Variants in CNTN1 observed in about 807,000 individuals in gnomAD.
CNTN1 encodes the protein contactin 1.
In CNTN1, 38 loss-of-function variants were observed where a neutral mutation model predicts 126.4. The ratio of observed to expected loss-of-function variants is 0.30; its 90% CI spans 0.23 to 0.39. CNTN1 has a LOEUF of 0.39. CNTN1 is among the 10% of genes least tolerant of loss of function. CNTN1 has a pLI of 1.00. For missense variants in CNTN1, 1,009 were observed against 1,248.4 expected, an observed-to-expected ratio of 0.81 and a Z score of 2.89; for synonymous variants, 413 against 422.6, an observed-to-expected ratio of 0.98 and a Z score of 0.28.
chr12:40,760,186 G>A (rs903202594), intron 1 of CNTN1, among the ~76,000 whole-genome samples: 3 of 152,002 alleles, frequency 2.0e-5, no homozygotes, highest in African/African-American at 7.2e-5. Context: ...TAGGAAATAT[G>A]TTTTGTTTTG....
chr12:40,706,168 C>T (rs1941735489), intron 1 of CNTN1, among the ~76,000 whole-genome samples: 1 of 151,508 alleles, frequency 6.6e-6, no homozygotes, highest in Non-Finnish European at 1.5e-5. Flanking sequence ...GCACAATGTG[C>T]AGGTTTGTTA....
At chr12:40,731,802 A>T (rs2121265298) in intron 1 of CNTN1, among the ~76,000 whole-genome samples, 1 of 152,108 alleles carries the variant, frequency 6.6e-6, no homozygotes, top group South Asian at 2.1e-4. Context: ...AACCTAATAA[A>T]TACACACAAA....
chr12:41,049,333 A>G (rs1364235517), intron 23 of CNTN1, among the ~76,000 whole-genome samples: 1 of 152,226 alleles, frequency 6.6e-6, no homozygotes, highest in Non-Finnish European at 1.5e-5. Flanking sequence ...CCTGATTGCT[A>G]TCTCCATTCA....
At chr12:41,053,425 CTAAATATATATATATATA>C (rs1210537900) in intron 23 of CNTN1, among the ~76,000 whole-genome samples, 5 of 35,856 alleles carry the variant, frequency 1.4e-4, no homozygotes, top group African/African-American at 7.4e-4. Flanking sequence ...CATGTTTTCA[CTAAATATATATATATATA>C]TATATATATA....
chr12:41,031,043 C>G (rs1050046820), intron 23 of CNTN1, among the ~76,000 whole-genome samples: 20 of 152,206 alleles, frequency 1.3e-4, no homozygotes, highest in Admixed American at 5.9e-4. Context: ...GTGTAGAAGC[C>G]AGCCACAGCG....
At chr12:41,029,259 G>A in intron 23 of CNTN1, 40 bp downstream of exon 23, 2 of 1,611,506 alleles carry the variant, frequency 1.2e-6, no homozygotes, top group Non-Finnish European at 1.7e-6. Flanking sequence ...CTAAGTACTT[G>A]TGAGTTTCTA....
At chr12:40,976,765 T>C (rs888942325) in intron 15 of CNTN1, among the ~76,000 whole-genome samples, 3 of 152,160 alleles carry the variant, frequency 2.0e-5, no homozygotes, top group African/African-American at 7.2e-5. Context: ...AAAACCTTCC[T>C]GCTGAGAGAC....
At chr12:41,028,298 C>G (rs1299424935) in intron 22 of CNTN1, among the ~76,000 whole-genome samples, 1 of 152,286 alleles carries the variant, frequency 6.6e-6, no homozygotes, top group Admixed American at 6.5e-5. Flanking sequence ...TCCCAAAGTG[C>G]TGGGATTACA....
chr12:40,967,796 G>T (rs1947361448), intron 15 of CNTN1, among the ~76,000 whole-genome samples: 7 of 151,170 alleles, frequency 4.6e-5, no homozygotes. Context: ...GATGTATGTT[G>T]GTAAAATACT....
chr12:40,834,740 G>C (rs1353686482), intron 1 of CNTN1, among the ~76,000 whole-genome samples: 1 of 152,136 alleles, frequency 6.6e-6, no homozygotes, highest in South Asian at 2.1e-4. Context: ...GCTTGAACCT[G>C]AGGAAACGAC....
intron 1 of CNTN1, among the ~76,000 whole-genome samples, chr12:40,724,259 G>C (rs1278963940): frequency 6.6e-6 from 1 of 152,148 alleles, no homozygotes; most frequent in Non-Finnish European, 1.5e-5. Flanking sequence ...TTAAAAGCCA[G>C]TTATGGTCAG....
chr12:40,957,708 A>T (rs903777271), intron 14 of CNTN1, among the ~76,000 whole-genome samples: 12 of 151,994 alleles, frequency 7.9e-5, no homozygotes, highest in African/African-American at 2.7e-4. Context: ...ATTTTTGACC[A>T]ATCTATACCT....
In CNTN1 at chr12:41,059,333, G is replaced by A. The variant is rs76421293; in HGVS notation, c.2981-10626G>A. ...CAGTTTTATCCTGAGAAAGTTTCCA[G>A]GGTAGTTCTGTCTCTGCATCACCAT... On this transcript the variant is annotated intron_variant, in intron 23 of 23. Transcript: ENST00000551295. Among the ~76,000 whole-genome samples, 601 of 152,262 alleles carry A rather than the reference G, an allele frequency of 3.9e-3. 7 individuals are homozygous for A. Among genetic ancestry groups the A allele is most frequent in the African/African-American group, 0.014 (577 of 41,546 alleles).
chr12:40,806,399 T>C (rs950854112), intron 1 of CNTN1, among the ~76,000 whole-genome samples: 1 of 152,146 alleles, frequency 6.6e-6, no homozygotes, highest in Non-Finnish European at 1.5e-5. Context: ...TTCCCCCAGC[T>C]GTAATGTGTC....
At chr12:41,007,742 C>A (rs994462357) in intron 17 of CNTN1, among the ~76,000 whole-genome samples, 2 of 152,160 alleles carry the variant, frequency 1.3e-5, no homozygotes, top group African/African-American at 4.8e-5. Flanking sequence ...AATGGGCTTT[C>A]CAGTTGACTG....
At chr12:40,910,413 T>C (rs1022102412) in intron 3 of CNTN1, among the ~76,000 whole-genome samples, 10 of 152,326 alleles carry the variant, frequency 6.6e-5, no homozygotes, top group Middle Eastern at 3.4e-3. Flanking sequence ...TTTTAAAATT[T>C]GTAAGCCTTG....
At chr12:40,766,353 T>C (rs1274536445) in intron 1 of CNTN1, among the ~76,000 whole-genome samples, 1 of 47,612 alleles carries the variant, frequency 2.1e-5, no homozygotes, top group African/African-American at 5.2e-5. Flanking sequence ...TGAAACTCCG[T>C]CTTAAAAAAA....
intron 16 of CNTN1, among the ~76,000 whole-genome samples, chr12:40,983,049 C>A (rs1947862042): frequency 6.6e-6 from 1 of 151,834 alleles, no homozygotes; most frequent in South Asian, 2.1e-4. Context: ...ATGTAACAAA[C>A]CTGCACATTG....
chr12:40,807,472 A>T (rs73114725), intron 1 of CNTN1, among the ~76,000 whole-genome samples: 3,450 of 152,176 alleles, frequency 0.023, 127 homozygotes, highest in African/African-American at 0.077. Context: ...CCTTGTCTAA[A>T]AGCTAGTGCT....
Sources: allele counts gnomAD v4.1 joint callset (sites outside exome capture counted in the v4.1 genomes callset), GRCh38; gene constraint gnomAD v4.1.1; transcripts MANE v1.5; gene names NCBI Gene and HGNC (gene_info 2026-07-23, HGNC 2026-07-21).